The following SYT7 variants were observed in gnomAD, a reference collection of about 807,000 sequenced individuals.
SYT7 encodes synaptotagmin 7.
In SYT7, 29 loss-of-function variants were observed where a neutral mutation model predicts 75.1. That is an observed-to-expected ratio of 0.39 (90% CI 0.29 to 0.53). SYT7 has a LOEUF of 0.53. Among genes scored for constraint, SYT7 ranks in the 20% least tolerant of loss-of-function variants. The pLI, the probability that SYT7 is intolerant of heterozygous loss-of-function variation, is 0.77. For synonymous variants in SYT7, 376 were observed against 401.7 expected, an observed-to-expected ratio of 0.94 and a Z score of 0.76; for missense variants, 693 against 953.2, an observed-to-expected ratio of 0.73 and a Z score of 3.59.
Position 61,546,381 on chromosome 11 carries a change from G to A in SYT7, c.348-126C>T. On this transcript the variant is annotated intron_variant, in intron 4 of 12. Transcript: ENST00000539008. The surrounding 1 kb of genome is among the most constrained non-coding windows in gnomAD (Gnocchi z 7.6). Reference sequence around the variant, plus strand: ...GAAAAACAATAACAGATAAAAGGAAGAAAGAGACAGTGAGAGAGGAGGAGG... The same window carrying A: ...GAAAAACAATAACAGATAAAAGGAAAAAAGAGACAGTGAGAGAGGAGGAGG... 4 of 613,402 alleles carry A rather than the reference G, an allele frequency of 6.5e-6. No homozygotes were observed. The highest frequency in any genetic ancestry group is 8.3e-6 in the Non-Finnish European group (3 of 362,780). The allele number at this position is 613,402 out of a possible 1,614,324, so 38.0% of individuals were successfully genotyped here.
chr11:61,524,333 T>G lies in SYT7; in HGVS notation c.1641+30A>C, dbSNP rs2062444437. On this transcript the variant is annotated intron_variant, in intron 10 of 12. Coordinates refer to ENST00000539008, the MANE Select transcript of SYT7 (RefSeq NM_001365809.2). The surrounding 1 kb of genome is among the most constrained non-coding windows in gnomAD (Gnocchi z 4.1). Reference sequence around the variant, plus strand: ...TCTCCCAGCCCTGCCCTGCTGCCTGTCCAGCTAAGACCCACCCATGGGGCC... The same window carrying G: ...TCTCCCAGCCCTGCCCTGCTGCCTGGCCAGCTAAGACCCACCCATGGGGCC... The G allele has an allele frequency of 2.5e-6, 4 of 1,612,164 alleles. No individual in the cohort carries two copies. The African/African-American group carries it at 4.0e-5, about 16-fold the overall frequency.
At position 61,580,999 on chromosome 11, in the gene SYT7, C is replaced by A. The variant is rs1053406928; in HGVS notation, c.-179G>T. ...AGCGGGGGCCGCCCGCCAGCCCTCC[C>A]GCCCGCCCGCGGAGCACGCTGCCGC... On this transcript the variant is annotated 5_prime_UTR_variant, in exon 1 of 13. Coordinates refer to ENST00000539008, the MANE Select transcript of SYT7 (RefSeq NM_001365809.2). This position sits in a 1 kb window ranked among gnomAD's most constrained non-coding sequence, Gnocchi z 6.1. 11 of 958,110 alleles carry A rather than the reference C, an allele frequency of 1.1e-5. No individual in the cohort carries two copies. The highest frequency in any genetic ancestry group is 4.7e-5 in the South Asian group (1 of 21,470). The allele number at this position is 958,110 out of a possible 1,614,324, so 59.4% of individuals were successfully genotyped here. A position where few individuals can be genotyped will look rare whatever the true frequency, so the allele number is the denominator to read the frequency against.
chr11:61,539,834 T>G (rs546549008), intron 6 of SYT7: 1 of 152,232 alleles, frequency 6.6e-6, no homozygotes, highest in East Asian at 1.9e-4. Context: ...CTTTGCGTCT[T>G]TGGTCCTGGG....
intron 1 of SYT7, among the ~76,000 whole-genome samples, chr11:61,579,416 G>A (rs1481163374): frequency 6.6e-6 from 1 of 152,240 alleles, no homozygotes; most frequent in Admixed American, 6.5e-5. Context: ...TCAGAGAAGG[G>A]CGCAAGGTTC....
At chr11:61,584,394 C>CAAA (rs35108570), upstream of SYT7, among the ~76,000 whole-genome samples, 8 of 135,754 alleles carry the variant, frequency 5.9e-5, no homozygotes, top group Admixed American at 1.5e-4. Context: ...GACTCCGTCT[C>CAAA]AAAAAAAAAA....
the SYT7 span, among the ~76,000 whole-genome samples, chr11:61,587,538 C>G: frequency 2.0e-5 from 3 of 152,236 alleles, no homozygotes; most frequent in East Asian, 5.8e-4. Flanking sequence ...AAGACCTGCT[C>G]CAGCAGCCCC....
chr11:61,559,440 G>A (rs568277145), intron 1 of SYT7, among the ~76,000 whole-genome samples: 7 of 152,332 alleles, frequency 4.6e-5, no homozygotes, highest in African/African-American at 1.7e-4. Flanking sequence ...TGATGGGGAA[G>A]GGGCTTGTCT....
chr11:61,580,799 C>A lies in SYT7; in HGVS notation c.22G>T (p.Ala8Ser). 1 of 1,289,634 alleles carries A rather than the reference C, an allele frequency of 7.8e-7. No individual in the cohort carries two copies. Among genetic ancestry groups the A allele is most frequent in the Non-Finnish European group, 9.8e-7 (1 of 1,015,798 alleles). The allele number at this position is 1,289,634 out of a possible 1,614,324, so 79.9% of individuals were successfully genotyped here. A position where few individuals can be genotyped will look rare whatever the true frequency, so the allele number is the denominator to read the frequency against. The part of the protein sequence containing the change: MYRDPEA[A>S]SPGAPSRDVL... ...CCGGGGCCGCGCTTACCTGGGCTGGCCGCCTCCGGGTCCCGGTACATGGTC... is the reference window on the plus strand; with the variant it reads ...CCGGGGCCGCGCTTACCTGGGCTGGACGCCTCCGGGTCCCGGTACATGGTC... The change falls in exon 1 of 13, where the codon GCC (alanine) becomes TCC (serine). Residue 8 changes from alanine (A) to serine (S), a missense_variant. Around this residue, in one of 2 missense-constraint regions of SYT7, gnomAD observed 487 missense variants for 593.2 expected, o/e 0.82. Transcript: ENST00000539008. This position sits in a 1 kb window ranked among gnomAD's most constrained non-coding sequence, Gnocchi z 6.1.
At chr11:61,520,956 T>C (rs2062308889) in intron 12 of SYT7, among the ~76,000 whole-genome samples, 2 of 152,260 alleles carry the variant, frequency 1.3e-5, no homozygotes, top group East Asian at 3.8e-4. Flanking sequence ...GCCTCACAGA[T>C]AGCTGGGATG....
chr11:61,555,069 G>A (rs2063456684), intron 2 of SYT7, among the ~76,000 whole-genome samples: 1 of 152,178 alleles, frequency 6.6e-6, no homozygotes, highest in Non-Finnish European at 1.5e-5. Context: ...TCTTCCTCCA[G>A]AGGAGTGGGG....
chr11:61,558,181 G>A (rs2063544505), intron 1 of SYT7, among the ~76,000 whole-genome samples: 1 of 152,334 alleles, frequency 6.6e-6, no homozygotes, highest in African/African-American at 2.4e-5. Flanking sequence ...TTATGAGTGG[G>A]CATGGTGGCT....
Position 61,524,258 on chromosome 11 carries a change from T to A in SYT7, c.1641+105A>T, listed in dbSNP as rs2062440632. On this transcript the variant is annotated intron_variant, in intron 10 of 12. Transcript: ENST00000539008. This position sits in a 1 kb window ranked among gnomAD's most constrained non-coding sequence, Gnocchi z 4.1. The stretch of plus-strand genomic sequence containing the variant: ...ATCGGGTCCACCCATCTGCACCCTC[T>A]CCCACAGCCCTCCTGGCCTTCCTAA... 9 of 1,403,006 alleles carry A rather than the reference T, an allele frequency of 6.4e-6. 1 individual carries two copies. In the Middle Eastern group the frequency reaches 7.5e-4, roughly 117 times the overall value. The allele number at this position is 1,403,006 out of a possible 1,614,324, so 86.9% of individuals were successfully genotyped here.
intron 1 of SYT7, among the ~76,000 whole-genome samples, chr11:61,558,308 G>C (rs2063546952): frequency 6.6e-6 from 1 of 151,992 alleles, no homozygotes; most frequent in Non-Finnish European, 1.5e-5. Flanking sequence ...AATTAGCTGG[G>C]CATGGTGACG....
chr11:61,516,138 T>G lies in SYT7; in HGVS notation c.*2489A>C, dbSNP rs1294998129. ...TCCCCCCACCCTCAAGTTCCCCCAT[T>G]CTCTGCTCTCCTATTGCCCTAGACC... On this transcript the variant is annotated 3_prime_UTR_variant, in exon 13 of 13. Transcript: ENST00000539008. This position sits in a 1 kb window ranked among gnomAD's most constrained non-coding sequence, Gnocchi z 4.6. 1 of 143,988 alleles carries G rather than the reference T, an allele frequency of 6.9e-6. No homozygotes were observed. The highest frequency in any genetic ancestry group is 2.5e-5 in the African/African-American group (1 of 39,584). 8.9% of individuals were successfully genotyped at this position (143,988 alleles called of 1,614,324 possible).
Position 61,516,939 on chromosome 11 carries a change from G to A in SYT7, c.*1688C>T, listed in dbSNP as rs1243187659. ...AGCAAGCAGAATGCTCAGCTCAAGG[G>A]GAAGCCGTTCGAAGGAAAATGGTTC... On this transcript the variant is annotated 3_prime_UTR_variant, in exon 13 of 13. Transcript: ENST00000539008. This position sits in a 1 kb window ranked among gnomAD's most constrained non-coding sequence, Gnocchi z 4.6. The A allele has an allele frequency of 7.7e-6, 2 of 260,416 alleles. No homozygotes were observed. Among genetic ancestry groups the A allele is most frequent in the African/African-American group, 2.2e-5 (1 of 45,400 alleles). 16.1% of individuals were successfully genotyped at this position (260,416 alleles called of 1,614,324 possible). A position where few individuals can be genotyped will look rare whatever the true frequency, so the allele number is the denominator to read the frequency against.
Position 61,551,842 on chromosome 11 carries a change from C to T in SYT7, c.136-379G>A, listed in dbSNP as rs770380173. On this transcript the variant is annotated intron_variant, in intron 2 of 12. Coordinates refer to ENST00000539008, the MANE Select transcript of SYT7 (RefSeq NM_001365809.2). This position sits in a 1 kb window ranked among gnomAD's most constrained non-coding sequence, Gnocchi z 5.3. The stretch of plus-strand genomic sequence containing the variant: ...GGCCACGTCACACTGTCCACGTCAC[C>T]GCCCCCAGATGGTGGGGGTGGCATC... Among the ~76,000 whole-genome samples, 7 of 152,148 alleles carry T rather than the reference C, an allele frequency of 4.6e-5. No homozygotes were observed. The highest frequency in any genetic ancestry group is 7.4e-5 in the Non-Finnish European group (5 of 68,022).
At chr11:61,581,347 C>T (rs2064268701), upstream of SYT7, among the ~76,000 whole-genome samples, 3 of 151,272 alleles carry the variant, frequency 2.0e-5, no homozygotes, top group South Asian at 6.2e-4. Context: ...CGGGCTCGTC[C>T]GGCCAGGGGA....
At position 61,518,607 on chromosome 11, in the gene SYT7, T is replaced by C; in HGVS notation, c.*20A>G. 6.6e-7 allele frequency: 1 copy of C among 1,514,882 alleles called. No individual in the cohort carries two copies. Among genetic ancestry groups the C allele is most frequent in the Non-Finnish European group, 8.9e-7 (1 of 1,124,678 alleles). 93.8% of individuals were successfully genotyped at this position (1,514,882 alleles called of 1,614,324 possible). On this transcript the variant is annotated 3_prime_UTR_variant, in exon 13 of 13. Coordinates refer to ENST00000539008, the MANE Select transcript of SYT7 (RefSeq NM_001365809.2). ...ATGGGGACCTGGGCCCTCGGCCCCC[T>C]GGGCCTCCCTTGGCCCCACTCAGGC...
In SYT7 at chr11:61,546,168, C is replaced by T. The variant is rs752133789; in HGVS notation, c.435G>A (p.Pro145=). Residue 145 remains proline, a synonymous_variant, in exon 5 of 13, where the codon CCG becomes CCA. Transcript: ENST00000539008. The surrounding 1 kb of genome is among the most constrained non-coding windows in gnomAD (Gnocchi z 7.6). ...AGGCGTCCTCTCCGGGTGGCGGCAC[C>T]GGTGCCGGCTTCTCCCCCAGCCGGC... is the stretch of plus-strand genomic sequence containing the variant. The part of the protein sequence containing the change: ...REGRLGEKPA[P]VPPPGEDALR... 2.0e-5 allele frequency: 30 copies of T among 1,523,832 alleles called. No homozygotes were observed. The Admixed American group carries it at 2.6e-4, about 13-fold the overall frequency. 94.4% of individuals were successfully genotyped at this position (1,523,832 alleles called of 1,614,324 possible).
Sources: gnomAD v4.1 joint callset for allele counts (sites outside exome capture counted in the v4.1 genomes callset) on GRCh38, gnomAD v4.1.1 for gene constraint, gnomAD v4.1.1 regional missense constraint, Gnocchi (gnomAD v3.1) non-coding constraint, MANE v1.5 for transcripts, NCBI Gene and HGNC (gene_info 2026-07-23, HGNC 2026-07-21) for gene names.